MTFMT: variants seen among roughly 807,000 people sequenced by gnomAD.
MTFMT encodes methionyl-tRNA formyltransferase, mitochondrial.
In MTFMT, 47 loss-of-function variants were observed where a neutral mutation model predicts 51.8. The ratio of observed to expected loss-of-function variants is 0.91; its 90% CI spans 0.72 to 1.16. The LOEUF (loss-of-function observed/expected upper bound fraction) is 1.16. Ranked by LOEUF, MTFMT falls within the 50% of genes most tolerant of loss-of-function variation. The probability of loss-of-function intolerance (pLI) is 0.00; values close to 1 mark genes in which losing one functional copy is unlikely to be tolerated. For missense variants in MTFMT, 512 were observed against 482.3 expected, an observed-to-expected ratio of 1.06 and a Z score of -0.58; for synonymous variants, 196 against 176.7, an observed-to-expected ratio of 1.11 and a Z score of -0.87.
At position 65,001,782 on chromosome 15, in the gene MTFMT, A is replaced by C. The variant is rs1233342313; in HGVS notation, c.*1280T>G. On this transcript the variant is annotated 3_prime_UTR_variant, in exon 9 of 9. Coordinates refer to ENST00000220058, the MANE Select transcript of MTFMT (RefSeq NM_139242.4). ...GGAGGCTGAGGCTGGAGGATCACTT[A>C]AGCCCAGGAGGTTGAAGATGCAGTA... is the stretch of plus-strand genomic sequence containing the variant. 1.3e-5 allele frequency: 2 copies of C among 151,842 alleles called. No individual in the cohort carries two copies. Among genetic ancestry groups the C allele is most frequent in the Non-Finnish European group, 2.9e-5 (2 of 67,950 alleles). The allele number at this position is 151,842 out of a possible 1,614,324, so 9.4% of individuals were successfully genotyped here.
intron 6 of MTFMT, among the ~76,000 whole-genome samples, chr15:65,013,673 A>G (rs1157584774): frequency 6.6e-6 from 1 of 152,134 alleles, no homozygotes; most frequent in Admixed American, 6.5e-5. Context: ...GCAGGGTGTG[A>G]TGGCTCACAC....
rs888868633 is a variant in MTFMT, at chr15:65,018,175, A to C, written c.722-1648T>G. 2.6e-5 allele frequency among the ~76,000 whole-genome samples: 4 copies of C among 152,200 alleles called. No homozygotes were observed. The East Asian group carries it at 5.8e-4, about 22-fold the overall frequency. On this transcript the variant is annotated intron_variant, in intron 5 of 8. Coordinates refer to ENST00000220058, the MANE Select transcript of MTFMT (RefSeq NM_139242.4). Reference sequence around the variant, plus strand: ...AAAGCAATCCCTAAAATAAAAAAAAAAACAACTGAAACTTAACTATGTATG... The same window carrying C: ...AAAGCAATCCCTAAAATAAAAAAAACAACAACTGAAACTTAACTATGTATG...
chr15:65,012,085 G>A (rs2086272502), intron 6 of MTFMT, among the ~76,000 whole-genome samples: 1 of 114,984 alleles, frequency 8.7e-6, no homozygotes. Context: ...TCCATTTATT[G>A]AGAATACTAT....
chr15:65,027,286 C>T (rs1450770216), intron 1 of MTFMT, among the ~76,000 whole-genome samples: 2 of 151,602 alleles, frequency 1.3e-5, no homozygotes, highest in Admixed American at 1.3e-4. Context: ...CAACCTCTGC[C>T]CCCTAGGTTC....
intron 1 of MTFMT, 43 bp from the exon 2 acceptor site, chr15:65,027,083 G>A: frequency 1.4e-6 from 2 of 1,459,522 alleles, no homozygotes; most frequent in Non-Finnish European, 9.5e-7. Context: ...TTAAGGCAAT[G>A]ACTCAAAGCT....
At chr15:65,017,176 A>G (rs538113516) in intron 5 of MTFMT, among the ~76,000 whole-genome samples, 12 of 152,272 alleles carry the variant, frequency 7.9e-5, no homozygotes, top group Admixed American at 5.9e-4. Context: ...TATCTCAGAG[A>G]GGACTAATTT....
At chr15:65,026,794 G>T in intron 2 of MTFMT, 37 bp downstream of exon 2, 1 of 1,524,734 alleles carries the variant, frequency 6.6e-7, no homozygotes. Flanking sequence ...TAAAGACCAA[G>T]GTTTCTATAC....
Position 65,003,010 on chromosome 15 carries a change from GT to G in MTFMT, c.*51del. 9.4e-7 allele frequency: 1 copy of G among 1,066,476 alleles called. No individual in the cohort carries two copies. The highest frequency in any genetic ancestry group is 2.5e-5 in the South Asian group (1 of 40,478). 66.1% of individuals were successfully genotyped at this position (1,066,476 alleles called of 1,614,324 possible). Reference sequence around the variant, plus strand: ...GTCCAGATAATTCCTTGTAAATAAGGTTTTTAATAAATTACAAATATGTAAT... The same window carrying G: ...GTCCAGATAATTCCTTGTAAATAAGGTTTTAATAAATTACAAATATGTAAT... On this transcript the variant is annotated 3_prime_UTR_variant, in exon 9 of 9. Coordinates refer to ENST00000220058, the MANE Select transcript of MTFMT (RefSeq NM_139242.4).
Position 65,020,395 on chromosome 15 carries a change from T to TA in MTFMT, c.646-124dup, listed in dbSNP as rs11358848. On this transcript the variant is annotated intron_variant, in intron 4 of 8. Coordinates refer to ENST00000220058, the MANE Select transcript of MTFMT (RefSeq NM_139242.4). ...TTTTTTTCTTTTTCTTTTTTCAAAT[T>TA]AAAAAAAAAATCTTTACTATTGGCT... The TA allele has an allele frequency of 4.4e-3, 3,546 of 797,958 alleles. 75 individuals carry two copies. In the East Asian group the frequency reaches 0.075, roughly 17 times the overall value. The allele number at this position is 797,958 out of a possible 1,614,324, so 49.4% of individuals were successfully genotyped here. A position where few individuals can be genotyped will look rare whatever the true frequency, so the allele number is the denominator to read the frequency against.
Position 65,020,290 on chromosome 15 carries a change from A to T in MTFMT, c.646-18T>A. On this transcript the variant is annotated intron_variant, in intron 4 of 8. Coordinates refer to ENST00000220058, the MANE Select transcript of MTFMT (RefSeq NM_139242.4). ...GAAATGAGCTACAAAAAAAAAAAAA[A>T]GAGTGTGATATATTCAAAATGAAGG... 1 of 1,569,946 alleles carries T rather than the reference A, an allele frequency of 6.4e-7. No homozygotes were observed. Among genetic ancestry groups the T allele is most frequent in the Non-Finnish European group, 8.7e-7 (1 of 1,144,394 alleles).
chr15:65,015,339 A>G lies in MTFMT; in HGVS notation c.813+1097T>C, dbSNP rs147080353. On this transcript the variant is annotated intron_variant, in intron 6 of 8. Coordinates refer to ENST00000220058, the MANE Select transcript of MTFMT (RefSeq NM_139242.4). ...CGTTCAAAACCTGACTCTGACTTTC[A>G]TTAACTAGCAACACGACATCGAGTA... Among the ~76,000 whole-genome samples, 8 of 152,286 alleles carry G rather than the reference A, an allele frequency of 5.3e-5. No individual in the cohort carries two copies. In the East Asian group the frequency reaches 1.5e-3, roughly 29 times the overall value.
At chr15:65,023,333 C>A (rs1277903288) in intron 3 of MTFMT, among the ~76,000 whole-genome samples, 1 of 151,902 alleles carries the variant, frequency 6.6e-6, no homozygotes, top group East Asian at 1.9e-4. Flanking sequence ...GTTTAGAAAC[C>A]AAGGCCAGCA....
At chr15:65,028,273 A>G (rs1205883091) in intron 1 of MTFMT, among the ~76,000 whole-genome samples, 1 of 152,192 alleles carries the variant, frequency 6.6e-6, no homozygotes, top group Non-Finnish European at 1.5e-5. Flanking sequence ...TTTAAAAATC[A>G]GGCGTGGTGG....
intron 2 of MTFMT, among the ~76,000 whole-genome samples, chr15:65,024,885 G>A (rs956345207): frequency 7.2e-5 from 11 of 152,098 alleles, no homozygotes; most frequent in African/African-American, 2.4e-4. Flanking sequence ...GAAAACACTT[G>A]AACAAGAACA....
In MTFMT at chr15:65,023,733, G is replaced by A. The variant is rs188424346; in HGVS notation, c.481C>T (p.His161Tyr). 7.4e-6 allele frequency: 12 copies of A among 1,613,292 alleles called. No homozygotes were observed. The African/African-American group carries it at 1.5e-4, about 20-fold the overall frequency. Reference sequence around the variant, plus strand: ...ACTGTGTCTCCGTGAAGCACTGTATGGATTACAGGGGCTGGGCCACGCCAT... The same window carrying A: ...ACTGTGTCTCCGTGAAGCACTGTATAGATTACAGGGGCTGGGCCACGCCAT... ...PRWRGPAPVI[H>Y]TVLHGDTVTG... Residue 161 changes from histidine to tyrosine, a missense_variant, in exon 3 of 9, where the codon CAT (histidine) becomes TAT (tyrosine). Transcript: ENST00000220058.
chr15:65,013,524 A>AT (rs902709194), intron 6 of MTFMT, among the ~76,000 whole-genome samples: 1 of 151,984 alleles, frequency 6.6e-6, no homozygotes, highest in Non-Finnish European at 1.5e-5. Context: ...CATGTGTTGG[A>AT]TTTTGTCAAA....
At chr15:65,027,138 T>C (rs1353490784) in intron 1 of MTFMT, 98 bp from the exon 2 acceptor site, 3 of 866,316 alleles carry the variant, frequency 3.5e-6, no homozygotes, top group East Asian at 2.6e-5. Flanking sequence ...ATTAATCTCA[T>C]GAAGCATTTA....
intron 1 of MTFMT, among the ~76,000 whole-genome samples, chr15:65,029,062 G>T (rs933968573): frequency 3.3e-5 from 5 of 152,128 alleles, no homozygotes; most frequent in African/African-American, 1.2e-4. Flanking sequence ...TCTGAGCCAC[G>T]GATTCCCCAC....
rs1490239884 is a variant in MTFMT at position 65,029,270 on chromosome 15, CG to C, written c.209+134del. The C allele has an allele frequency of 3.9e-6, 5 of 1,289,278 alleles. No individual in the cohort carries two copies. The African/African-American group carries it at 6.2e-5, about 16-fold the overall frequency. 79.9% of individuals were successfully genotyped at this position (1,289,278 alleles called of 1,614,324 possible). A position where few individuals can be genotyped will look rare whatever the true frequency, so the allele number is the denominator to read the frequency against. On this transcript the variant is annotated intron_variant, in intron 1 of 8. Transcript: ENST00000220058. ...GGCGCACCTTCTGGGAGCCAGAAGACGCCGAGATCTGGGCCCACACCGCTCT... is the reference window on the plus strand; with the variant it reads ...GGCGCACCTTCTGGGAGCCAGAAGACCCGAGATCTGGGCCCACACCGCTCT...
Sources: allele counts gnomAD v4.1 joint callset (sites outside exome capture counted in the v4.1 genomes callset), GRCh38; gene constraint gnomAD v4.1.1; transcripts MANE v1.5; gene names NCBI Gene and HGNC (gene_info 2026-07-23, HGNC 2026-07-21).